NUMB: variants seen among roughly 807,000 people sequenced by gnomAD.
The protein encoded by NUMB is NUMB endocytic adaptor protein.
Under a neutral mutation model 59.7 loss-of-function variants are expected in NUMB, and 29 were observed. That is an observed-to-expected ratio of 0.49 (90% CI 0.36 to 0.66). NUMB has a LOEUF of 0.66. Ranked by LOEUF, NUMB falls within the 30% of genes least tolerant of loss-of-function variation. NUMB has a pLI of 0.00. For missense variants in NUMB, 723 were observed against 822.0 expected (o/e 0.88, Z 1.47); for synonymous variants, 288 against 288.2 (o/e 1.00, Z 0.01).
At position 73,297,224 on chromosome 14, in the gene NUMB, T is replaced by C. The variant is rs1159257035; in HGVS notation, c.296A>G (p.Asp99Gly). ...WVSADGLRVVDEKTKDLIVDQ... is the reference protein window; with the variant it reads ...WVSADGLRVVGEKTKDLIVDQ... ...AAAGAATCTTACCTTAGTTTTTTCA[T>C]CCACAACTCTGAGTCCATCTGCTGA... is the stretch of plus-strand genomic sequence containing the variant. Residue 99 changes from aspartate to glycine, a missense_variant, in exon 7 of 13, where the codon GAT (aspartate) becomes GGT (glycine). Asp to Gly is a moderately conservative substitution (Grantham distance 94). This residue lies in a region of NUMB where 317 missense variants were observed against 436.6 expected (regional missense o/e 0.73). Coordinates refer to ENST00000555238, the MANE Select transcript of NUMB (RefSeq NM_001005743.2). The C allele has an allele frequency of 3.7e-6, 6 of 1,601,450 alleles. No homozygotes were observed. Among genetic ancestry groups the C allele is most frequent in the Non-Finnish European group, 5.1e-6 (6 of 1,170,114 alleles).
At chr14:73,286,617 C>A in intron 9 of NUMB, 1 of 162,128 alleles carries the variant, frequency 6.2e-6, no homozygotes, top group Admixed American at 5.7e-5. Flanking sequence ...ATAGGCTTAC[C>A]TCTCAAAATC....
At chr14:73,400,701 T>C (rs1896369724) in intron 2 of NUMB, among the ~76,000 whole-genome samples, 1 of 152,180 alleles carries the variant, frequency 6.6e-6, no homozygotes, top group Non-Finnish European at 1.5e-5. Context: ...TGATTACAAA[T>C]GGCCAATGAC....
chr14:73,358,759 A>C (rs1425797483), intron 3 of NUMB, among the ~76,000 whole-genome samples: 2 of 152,070 alleles, frequency 1.3e-5, no homozygotes, highest in African/African-American at 4.8e-5. Context: ...ACTGTATCTT[A>C]TTTGTTTAAA....
At chr14:73,394,421 AAAGAG>A (rs1381222616) in intron 2 of NUMB, among the ~76,000 whole-genome samples, 5 of 150,296 alleles carry the variant, frequency 3.3e-5, no homozygotes, top group Non-Finnish European at 5.9e-5. Flanking sequence ...AAAAAAAAAA[AAAGAG>A]AGAGAGATTG....
chr14:73,307,474 G>A (rs549647981), intron 6 of NUMB, among the ~76,000 whole-genome samples: 19 of 152,140 alleles, frequency 1.2e-4, no homozygotes, highest in Non-Finnish European at 2.2e-4. Flanking sequence ...GATGATGTGC[G>A]TTCCAGACTA....
At chr14:73,322,199 A>C (rs897825077) in intron 5 of NUMB, among the ~76,000 whole-genome samples, 3 of 152,210 alleles carry the variant, frequency 2.0e-5, no homozygotes, top group African/African-American at 7.2e-5. Flanking sequence ...CAAAGTGGGG[A>C]AAGGCCACAT....
Position 73,307,531 on chromosome 14 carries a change from T to C in NUMB, c.234+8859A>G, listed in dbSNP as rs145534972. Among the ~76,000 whole-genome samples the C allele has an allele frequency of 6.8e-3, 1,030 of 152,090 alleles. 4 individuals are homozygous for C. The highest frequency in any genetic ancestry group is 0.03 in the South Asian group (144 of 4,820). ...GCCCTGAGGTGAAAGCGTGCCTGGT[T>C]TGTTTAAGGAATACTGAGGAGGCTA... On this transcript the variant is annotated intron_variant, in intron 6 of 12. Coordinates refer to ENST00000555238, the MANE Select transcript of NUMB (RefSeq NM_001005743.2).
At chr14:73,410,411 A>G (rs1446245460) in intron 1 of NUMB, among the ~76,000 whole-genome samples, 1 of 152,142 alleles carries the variant, frequency 6.6e-6, no homozygotes, top group Middle Eastern at 3.2e-3. Flanking sequence ...GAGTCAGAAG[A>G]CCTGGGTTCC....
chr14:73,304,919 C>A lies in NUMB; in HGVS notation c.235-7634G>T, dbSNP rs369372052. Among the ~76,000 whole-genome samples, 120 of 152,144 alleles carry A rather than the reference C, an allele frequency of 7.9e-4. 2 individuals carry two copies. In the South Asian group the frequency reaches 0.024, roughly 31 times the overall value. ...GGGATTACAGGTGCCTGCCACCACG[C>A]CCAGCTATGGCTAATTTTTGTATTT... On this transcript the variant is annotated intron_variant, in intron 6 of 12. Coordinates refer to ENST00000555238, the MANE Select transcript of NUMB (RefSeq NM_001005743.2).
chr14:73,439,717 G>C (rs1882881426), intron 1 of NUMB, among the ~76,000 whole-genome samples: 1 of 152,128 alleles, frequency 6.6e-6, no homozygotes, highest in South Asian at 2.1e-4. Flanking sequence ...CAAAAGAAGA[G>C]TCTTCTTAAG....
chr14:73,360,702 C>T (rs1174705314), intron 3 of NUMB, among the ~76,000 whole-genome samples: 1 of 152,110 alleles, frequency 6.6e-6, no homozygotes, highest in Non-Finnish European at 1.5e-5. Flanking sequence ...CTGAAATACT[C>T]TTCTCCCAGA....
intron 4 of NUMB, among the ~76,000 whole-genome samples, chr14:73,329,000 C>T (rs893661630): frequency 6.6e-6 from 1 of 152,178 alleles, no homozygotes; most frequent in Admixed American, 6.5e-5. Flanking sequence ...TCCTGAGTAG[C>T]TGGGATTACA....
intron 2 of NUMB, among the ~76,000 whole-genome samples, chr14:73,390,819 T>C (rs1207514515): frequency 6.6e-6 from 1 of 151,596 alleles, no homozygotes; most frequent in African/African-American, 2.4e-5. Flanking sequence ...CCGGCTAATT[T>C]TGAATTTTTA....
intron 4 of NUMB, among the ~76,000 whole-genome samples, chr14:73,349,117 G>A (rs1893063855): frequency 6.6e-6 from 1 of 152,050 alleles, no homozygotes; most frequent in Non-Finnish European, 1.5e-5. Context: ...TATATACATA[G>A]TTCTGCAGCT....
intron 2 of NUMB, among the ~76,000 whole-genome samples, chr14:73,368,817 A>C (rs1894516404): frequency 1.3e-5 from 2 of 152,200 alleles, no homozygotes; most frequent in East Asian, 3.8e-4. Flanking sequence ...ACATTTCTTA[A>C]GAGGGGGATG....
intron 2 of NUMB, among the ~76,000 whole-genome samples, chr14:73,395,037 T>TGTGTGTGTGTG (rs1896053515): frequency 1.7e-4 from 21 of 120,000 alleles, no homozygotes; most frequent in South Asian, 5.7e-4. Flanking sequence ...ATTCGTGTGT[T>TGTGTGTGTGTG]TGTGTGTGTG....
Position 73,296,221 on chromosome 14 carries a change from T to C in NUMB, c.309+990A>G, listed in dbSNP as rs1297062050. On this transcript the variant is annotated intron_variant, in intron 7 of 12. Transcript: ENST00000555238. ...ACTTTGGGAGGCCAAGGCGGGTGGA[T>C]CACTTGAGGTCGGAAGTTCAAGACC... 3.3e-5 allele frequency among the ~76,000 whole-genome samples: 5 copies of C among 152,196 alleles called. No homozygotes were observed. In the East Asian group the frequency reaches 9.7e-4, roughly 29 times the overall value.
intron 4 of NUMB, among the ~76,000 whole-genome samples, chr14:73,334,121 G>A (rs1269585798): frequency 1.4e-5 from 2 of 145,264 alleles, no homozygotes; most frequent in South Asian, 2.2e-4. Flanking sequence ...GCACAATCTC[G>A]GCTCACTGCA....
intron 10 of NUMB, 111 bp downstream of exon 10, chr14:73,283,970 A>C (rs1473271424): frequency 9.8e-7 from 1 of 1,021,870 alleles, no homozygotes; most frequent in Non-Finnish European, 1.5e-6. Context: ...ACTATCAACG[A>C]ACCTCAGGGA....
Sources: allele counts gnomAD v4.1 joint callset (sites outside exome capture counted in the v4.1 genomes callset), GRCh38; gene constraint gnomAD v4.1.1; regional missense constraint gnomAD v4.1.1; transcripts MANE v1.5; gene names NCBI Gene and HGNC (gene_info 2026-07-23, HGNC 2026-07-21).